NKPD1: variants seen among roughly 807,000 people sequenced by gnomAD.
NKPD1 encodes the protein NTPase KAP family P-loop domain containing 1.
NKPD1 carries 37 observed loss-of-function variants against 42.2 expected under a neutral mutation model. That is an observed-to-expected ratio of 0.88 (90% CI 0.67 to 1.15). The LOEUF is 1.15. Ranked by LOEUF, NKPD1 falls within the 50% of genes most tolerant of loss-of-function variation. The pLI is 0.00. For missense variants in NKPD1, 1,113 were observed against 1,174.6 expected, an observed-to-expected ratio of 0.95 and a Z score of 0.77; for synonymous variants, 552 against 536.5, an observed-to-expected ratio of 1.03 and a Z score of -0.40.
At chr19:45,153,869 G>T in intron 4 of NKPD1, 94 bp from the exon 5 acceptor site, 4 of 1,262,160 alleles carry the variant, frequency 3.2e-6, no homozygotes, top group Non-Finnish European at 4.1e-6. Context: ...CTGGAGAGGC[G>T]AGGGGCGCCC....
In NKPD1 at chr19:45,157,480, T is replaced by TA. The variant is rs1195343723; in HGVS notation, c.529+1182dup. Among the ~76,000 whole-genome samples, 10 of 149,158 alleles carry TA rather than the reference T, an allele frequency of 6.7e-5. No individual in the cohort carries two copies. In the East Asian group the frequency reaches 1.8e-3, roughly 27 times the overall value. ...AGGCTGGAGTGCAGCGGCACAATTATAAGTCACTGCAGCCTCGAACTCTGG... is the reference window on the plus strand; with the variant it reads ...AGGCTGGAGTGCAGCGGCACAATTATAAAGTCACTGCAGCCTCGAACTCTGG... On this transcript the variant is annotated intron_variant, in intron 3 of 4. Coordinates refer to ENST00000686631, the MANE Select transcript of NKPD1 (RefSeq NM_198478.4).
Position 45,153,318 on chromosome 19 carries a change from G to C in NKPD1, c.1119C>G (p.Ser373Arg). The change falls in exon 5 of 5, where the codon AGC (serine) becomes AGG (arginine). Residue 373 changes from serine (S) to arginine (R), a missense_variant. Physicochemically the swap from Ser to Arg is moderately radical, Grantham distance 110 (BLOSUM62 -1). Transcript: ENST00000686631. ...GGHALGHGSPSGSLLKVFGGA... is the reference protein window; with the variant it reads ...GGHALGHGSPRGSLLKVFGGA... ...CGCCAAACACCTTGAGCAGGCTGCC[G>C]CTCGGGCTGCCGTGGCCCAGCGCGT... The C allele has an allele frequency of 3.2e-6, 5 of 1,572,632 alleles. No homozygotes were observed. Among genetic ancestry groups the C allele is most frequent in the Non-Finnish European group, 4.3e-6 (5 of 1,160,628 alleles).
At chr19:45,160,639 G>C (rs1376763371) in intron 1 of NKPD1, among the ~76,000 whole-genome samples, 3 of 152,070 alleles carry the variant, frequency 2.0e-5, no homozygotes, top group Non-Finnish European at 4.4e-5. Context: ...GAGAAGCAGG[G>C]TGAGTGAAAA....
intron 3 of NKPD1, among the ~76,000 whole-genome samples, chr19:45,157,163 C>T (rs550905135): frequency 6.6e-6 from 1 of 152,354 alleles, no homozygotes; most frequent in Non-Finnish European, 1.5e-5. Flanking sequence ...CCTCGGCCAC[C>T]TGCTTCCGTC....
At chr19:45,157,628 C>A (rs1336914025) in intron 3 of NKPD1, among the ~76,000 whole-genome samples, 3 of 151,716 alleles carry the variant, frequency 2.0e-5, no homozygotes, top group Non-Finnish European at 4.4e-5. Flanking sequence ...GCTGCCCAGG[C>A]TGGTCTGGAA....
chr19:45,156,333 C>G (rs1968902472), intron 3 of NKPD1, among the ~76,000 whole-genome samples: 1 of 152,322 alleles, frequency 6.6e-6, no homozygotes, highest in East Asian at 1.9e-4. Flanking sequence ...CCACTCCTGC[C>G]TGCTCTGCTG....
At chr19:45,154,143 G>C (rs1167863109) in intron 4 of NKPD1, among the ~76,000 whole-genome samples, 1 of 152,244 alleles carries the variant, frequency 6.6e-6, no homozygotes, top group East Asian at 1.9e-4. Context: ...GGTTCTGAGA[G>C]TGGGGCAGGG....
At position 45,160,055 on chromosome 19, in the gene NKPD1, CG is replaced by C. The variant is rs1169991041; in HGVS notation, c.91+4del. On this transcript the variant is annotated splice_donor_region_variant and intron_variant, in intron 2 of 4. Transcript: ENST00000686631. ...CCATCACCCGCCCCCAAACTGAACC[CG>C]TACCTTTTCGGTGCCCCAACTCTGG... 7.7e-7 allele frequency: 1 copy of C among 1,302,154 alleles called. No individual in the cohort carries two copies. The highest frequency in any genetic ancestry group is 5.6e-5 in the East Asian group (1 of 17,982). The allele number at this position is 1,302,154 out of a possible 1,614,324, so 80.7% of individuals were successfully genotyped here.
At position 45,158,799 on chromosome 19, in the gene NKPD1, G is replaced by C; in HGVS notation, c.393C>G (p.Thr131=). The change falls in exon 3 of 5, where the codon ACC becomes ACG. Residue 131 remains threonine (T), a synonymous_variant. Transcript: ENST00000686631. This position sits in a 1 kb window ranked among gnomAD's most constrained non-coding sequence, Gnocchi z 4.6. Reference sequence around the variant, plus strand: ...CACTCCTGGCCATGGCTGGTGCCGTGGTGGGTAAGGTGGGCGCCTGAGGGG... The same window carrying C: ...CACTCCTGGCCATGGCTGGTGCCGTCGTGGGTAAGGTGGGCGCCTGAGGGG... The part of the protein sequence containing the change: ...ASAPQAPTLP[T]TAPAMARSGP... 2 of 1,260,568 alleles carry C rather than the reference G, an allele frequency of 1.6e-6. No homozygotes were observed. The highest frequency in any genetic ancestry group is 2.7e-5 in the South Asian group (2 of 75,006). 78.1% of individuals were successfully genotyped at this position (1,260,568 alleles called of 1,614,324 possible).
At position 45,158,638 on chromosome 19, in the gene NKPD1, C is replaced by T; in HGVS notation, c.529+25G>A. ...TGAGGCGGCAGGAGTGGGGACAGGGCCCCCAAGAAGGCCAGGGTGAGCACC... is the reference window on the plus strand; with the variant it reads ...TGAGGCGGCAGGAGTGGGGACAGGGTCCCCAAGAAGGCCAGGGTGAGCACC... On this transcript the variant is annotated intron_variant, in intron 3 of 4. Transcript: ENST00000686631. This position sits in a 1 kb window ranked among gnomAD's most constrained non-coding sequence, Gnocchi z 4.6. The T allele has an allele frequency of 2.6e-6, 3 of 1,155,958 alleles. No homozygotes were observed. The highest frequency in any genetic ancestry group is 4.3e-5 in the Admixed American group (1 of 23,450). The allele number at this position is 1,155,958 out of a possible 1,614,324, so 71.6% of individuals were successfully genotyped here.
At chr19:45,157,310 G>A (rs377701150) in intron 3 of NKPD1, among the ~76,000 whole-genome samples, 1 of 152,154 alleles carries the variant, frequency 6.6e-6, no homozygotes, top group Non-Finnish European at 1.5e-5. Flanking sequence ...CTGCTCAAAC[G>A]CTGCCTTAAT....
upstream of NKPD1, among the ~76,000 whole-genome samples, chr19:45,162,410 A>T (rs1041997864): frequency 4.6e-5 from 7 of 152,190 alleles, no homozygotes; most frequent in African/African-American, 1.7e-4. Context: ...GTTCACCCCC[A>T]GCCTTGGTGG....
upstream of NKPD1, chr19:45,162,807 G>C (rs1480955053): frequency 1.1e-5 from 2 of 186,636 alleles, no homozygotes; most frequent in Admixed American, 1.2e-4. Flanking sequence ...GGGGAGGGAG[G>C]GAGTGGAGGG....
chr19:45,157,309 C>T lies in NKPD1; in HGVS notation c.529+1354G>A, dbSNP rs568502280. On this transcript the variant is annotated intron_variant, in intron 3 of 4. Coordinates refer to ENST00000686631, the MANE Select transcript of NKPD1 (RefSeq NM_198478.4). ...TGCCTCCTCAGGGTCTCTGCTCAAA[C>T]GCTGCCTTAATGAGGCCCAGCCTGA... 5.9e-5 allele frequency among the ~76,000 whole-genome samples: 9 copies of T among 152,354 alleles called. No homozygotes were observed. In the East Asian group the frequency reaches 1.2e-3, roughly 20 times the overall value.
In NKPD1 at chr19:45,153,195, C is replaced by T. The variant is rs1157999723; in HGVS notation, c.1242G>A (p.Leu414=). The change falls in exon 5 of 5, where the codon CTG becomes CTA. Residue 414 remains leucine, a synonymous_variant. Transcript: ENST00000686631. ...GGCTGCCGAACTTTTCACGCGACAC[C>T]AGCCGCTCGATCTTCTTGCGCTGGC... ...FVSQRKKIER[L]VSREKFGSQL... 6.3e-7 allele frequency: 1 copy of T among 1,588,308 alleles called. No individual in the cohort carries two copies. The highest frequency in any genetic ancestry group is 8.6e-7 in the Non-Finnish European group (1 of 1,168,106).
chr19:45,158,909 G>A lies in NKPD1; in HGVS notation c.283C>T (p.Pro95Ser), dbSNP rs1324034066. 7.7e-7 allele frequency: 1 copy of A among 1,297,134 alleles called. No individual in the cohort carries two copies. Among genetic ancestry groups the A allele is most frequent in the Admixed American group, 2.4e-5 (1 of 42,336 alleles). The allele number at this position is 1,297,134 out of a possible 1,614,324, so 80.4% of individuals were successfully genotyped here. ...ATGGGGCAGAGCCGCTGCCGCAGGG[G>A]GCTGGGAGGTGAGGGCTGGGACTGG... ...QPQSQPSPPS[P>S]LRQRLCPIHE... is the part of the protein sequence containing the mutation. The change falls in exon 3 of 5, where the codon CCC (proline) becomes TCC (serine). Residue 95 changes from proline (P) to serine (S), a missense_variant. Coordinates refer to ENST00000686631, the MANE Select transcript of NKPD1 (RefSeq NM_198478.4). This position sits in a 1 kb window ranked among gnomAD's most constrained non-coding sequence, Gnocchi z 4.6.
In NKPD1 at chr19:45,155,839, C is replaced by T; in HGVS notation, c.607G>A (p.Gly203Ser). 1 of 1,305,418 alleles carries T rather than the reference C, an allele frequency of 7.7e-7. No homozygotes were observed. The highest frequency in any genetic ancestry group is 1.0e-6 in the Non-Finnish European group (1 of 988,926). 80.9% of individuals were successfully genotyped at this position (1,305,418 alleles called of 1,614,324 possible). A position where few individuals can be genotyped will look rare whatever the true frequency, so the allele number is the denominator to read the frequency against. Residue 203 changes from glycine (G) to serine (S), a missense_variant, in exon 4 of 5, where the codon GGT (glycine) becomes AGT (serine). Physicochemically the swap from Gly to Ser is moderately conservative, Grantham distance 56. Coordinates refer to ENST00000686631, the MANE Select transcript of NKPD1 (RefSeq NM_198478.4). ...LCHVPVPVTV[G>S]FYAPFGCRLH... Reference sequence around the variant, plus strand: ...CGGCAGCCGAAAGGGGCATAGAAACCCACGGTCACAGGGACCGGCACGTGG... The same window carrying T: ...CGGCAGCCGAAAGGGGCATAGAAACTCACGGTCACAGGGACCGGCACGTGG...
In NKPD1 at chr19:45,158,474, G is replaced by A. The variant is rs1051868932; in HGVS notation, c.529+189C>T. ...GGGGCAGGCCTGGCCTGGAAGCCTT[G>A]GACCCCAACAGGCAAAGCTGAGGCA... On this transcript the variant is annotated intron_variant, in intron 3 of 4. Transcript: ENST00000686631. This position sits in a 1 kb window ranked among gnomAD's most constrained non-coding sequence, Gnocchi z 4.6. Among the ~76,000 whole-genome samples, 9 of 152,252 alleles carry A rather than the reference G, an allele frequency of 5.9e-5. No homozygotes were observed. The highest frequency in any genetic ancestry group is 9.6e-5 in the African/African-American group (4 of 41,472).
In NKPD1 at chr19:45,152,335, A is replaced by C. The variant is rs1462539773; in HGVS notation, c.2102T>G (p.Leu701Arg). ...WDVFRDNSRELHTMTKALQNV... is the reference protein window; with the variant it reads ...WDVFRDNSRERHTMTKALQNV... ...CTGCAACGCCTTGGTCATGGTGTGC[A>C]GCTCGCGGCTGTTGTCGCGGAAAAC... is the stretch of plus-strand genomic sequence containing the variant. The change falls in exon 5 of 5, where the codon CTG (leucine) becomes CGG (arginine). Residue 701 changes from leucine to arginine, a missense_variant. Transcript: ENST00000686631. 8 of 1,606,512 alleles carry C rather than the reference A, an allele frequency of 5.0e-6. No individual in the cohort carries two copies. Among genetic ancestry groups the C allele is most frequent in the East Asian group, 2.2e-5 (1 of 44,580 alleles).
Sources: gnomAD v4.1 joint callset for allele counts (sites outside exome capture counted in the v4.1 genomes callset) on GRCh38, gnomAD v4.1.1 for gene constraint, Gnocchi (gnomAD v3.1) non-coding constraint, MANE v1.5 for transcripts, NCBI Gene and HGNC (gene_info 2026-07-23, HGNC 2026-07-21) for gene names.